ADCY5: variants seen among roughly 807,000 people sequenced by gnomAD.
ADCY5 encodes the protein adenylate cyclase type 5.
A neutral mutation model predicts 119.7 loss-of-function variants in ADCY5; 30 were observed. The observed-to-expected ratio is 0.25, with a 90% CI of 0.19 to 0.34. ADCY5 has a LOEUF of 0.34. ADCY5 is among the 10% of genes least tolerant of loss of function. The pLI is 1.00. For missense variants in ADCY5, 1,324 were observed against 1,775.2 expected, an observed-to-expected ratio of 0.75 and a Z score of 4.57; for synonymous variants, 753 against 762.2, an observed-to-expected ratio of 0.99 and a Z score of 0.20.
At chr3:123,385,724 C>T (rs1471148713) in intron 1 of ADCY5, among the ~76,000 whole-genome samples, 1 of 152,234 alleles carries the variant, frequency 6.6e-6, no homozygotes, top group Non-Finnish European at 1.5e-5. Context: ...CTCTGTGCTT[C>T]AGTTTCTCAT....
intron 1 of ADCY5, among the ~76,000 whole-genome samples, chr3:123,387,196 CAT>C (rs1361648467): frequency 6.6e-6 from 1 of 152,180 alleles, no homozygotes; most frequent in East Asian, 1.9e-4. Context: ...TTTTATTATT[CAT>C]GTGTGTGGGT....
At chr3:123,350,716 C>T (rs1354735369) in intron 2 of ADCY5, among the ~76,000 whole-genome samples, 1 of 152,226 alleles carries the variant, frequency 6.6e-6, no homozygotes, top group Non-Finnish European at 1.5e-5. Context: ...CACATTGGCT[C>T]CGAATATGGA....
chr3:123,403,380 CAA>C (rs35626615), intron 1 of ADCY5, among the ~76,000 whole-genome samples: 166 of 68,514 alleles, frequency 2.4e-3, no homozygotes, highest in South Asian at 5.9e-3. Flanking sequence ...GACCCTGTCT[CAA>C]AAAAAAAAAA....
At chr3:123,433,995 T>C (rs1945565828) in intron 1 of ADCY5, among the ~76,000 whole-genome samples, 1 of 152,168 alleles carries the variant, frequency 6.6e-6, no homozygotes, top group Non-Finnish European at 1.5e-5. Flanking sequence ...ACCCATTTAA[T>C]GCCCGTCTGA....
chr3:123,379,787 CCTT>C (rs1943967583), intron 1 of ADCY5, among the ~76,000 whole-genome samples: 4 of 152,286 alleles, frequency 2.6e-5, no homozygotes, highest in Admixed American at 2.6e-4. Flanking sequence ...TCTGATCAGA[CCTT>C]CTGTGAACAG....
At chr3:123,299,635 T>C (rs1460440827) in intron 15 of ADCY5, among the ~76,000 whole-genome samples, 5 of 152,178 alleles carry the variant, frequency 3.3e-5, no homozygotes, top group African/African-American at 1.2e-4. Flanking sequence ...CCAGGAGCCT[T>C]TGAGTAGTGC....
intron 1 of ADCY5, chr3:123,416,447 G>T: frequency 9.7e-7 from 1 of 1,032,816 alleles, no homozygotes. Context: ...GATTTGACTA[G>T]AAAGGAGGGA....
chr3:123,370,927 G>C (rs923827897), intron 1 of ADCY5, among the ~76,000 whole-genome samples: 49 of 152,312 alleles, frequency 3.2e-4, no homozygotes, highest in African/African-American at 1.1e-3. Context: ...GGCAGGATGA[G>C]GCTGGAGGTG....
chr3:123,384,382 CAATGACTGAG>C (rs1416355714), intron 1 of ADCY5, among the ~76,000 whole-genome samples: 2 of 152,210 alleles, frequency 1.3e-5, no homozygotes, highest in African/African-American at 2.4e-5. Flanking sequence ...TCCTCTGGCA[CAATGACTGAG>C]TCGCCCTGGG....
chr3:123,325,485 G>T, intron 7 of ADCY5, 23 bp from the exon 8 acceptor site: 2 of 1,610,994 alleles, frequency 1.2e-6, no homozygotes, highest in Non-Finnish European at 1.7e-6. Flanking sequence ...CACAGAGATG[G>T]GGGGAGATGA....
chr3:123,317,378 C>G (rs1345644356), intron 11 of ADCY5, among the ~76,000 whole-genome samples: 1 of 148,784 alleles, frequency 6.7e-6, no homozygotes, highest in African/African-American at 2.5e-5. Context: ...CCAGGGAATA[C>G]TTTGGGTGAC....
chr3:123,291,445 C>A (rs1939144227), intron 17 of ADCY5, 69 bp from the exon 18 acceptor site: 1 of 1,545,360 alleles, frequency 6.5e-7, no homozygotes, highest in Admixed American at 1.9e-5. Flanking sequence ...TCCACCTCCT[C>A]CTCTCCGTGG....
At chr3:123,326,277 C>A (rs1276017856) in intron 7 of ADCY5, among the ~76,000 whole-genome samples, 3 of 152,204 alleles carry the variant, frequency 2.0e-5, no homozygotes, top group Non-Finnish European at 4.4e-5. Flanking sequence ...TATGGGCCAA[C>A]ACACTCCCCA....
chr3:123,383,233 C>T (rs1302037342), intron 1 of ADCY5, among the ~76,000 whole-genome samples: 1 of 152,170 alleles, frequency 6.6e-6, no homozygotes. Context: ...CTGAGCCCTG[C>T]TCCCAGGACT....
intron 8 of ADCY5, among the ~76,000 whole-genome samples, chr3:123,323,499 G>C (rs1194206678): frequency 6.6e-6 from 1 of 151,878 alleles, no homozygotes; most frequent in Non-Finnish European, 1.5e-5. Flanking sequence ...GTTGTTCCCT[G>C]CTCTTCCCTG....
chr3:123,445,688 C>T (rs140797074), intron 1 of ADCY5, among the ~76,000 whole-genome samples: 161 of 151,876 alleles, frequency 1.1e-3, no homozygotes, highest in Non-Finnish European at 2.0e-3. Flanking sequence ...TTTTTCTTCT[C>T]ATCTCAGATC....
intron 1 of ADCY5, among the ~76,000 whole-genome samples, chr3:123,407,008 C>T (rs192503512): frequency 4.6e-5 from 7 of 152,294 alleles, no homozygotes; most frequent in East Asian, 3.9e-4. Context: ...GCTTTGAAAC[C>T]GTCCACACCC....
chr3:123,367,834 G>C, intron 1 of ADCY5: 1 of 1,517,016 alleles, frequency 6.6e-7, no homozygotes, highest in Non-Finnish European at 8.8e-7. Flanking sequence ...CTCATTTTAG[G>C]TCAGCAGAAT....
chr3:123,289,681 T>C, intron 19 of ADCY5, 69 bp downstream of exon 19: 3 of 1,561,546 alleles, frequency 1.9e-6, no homozygotes, highest in Non-Finnish European at 2.6e-6. Context: ...GTATGGGGTA[T>C]GGGGGAGCCC....
Sources: allele counts gnomAD v4.1 joint callset (sites outside exome capture counted in the v4.1 genomes callset), GRCh38; gene constraint gnomAD v4.1.1; transcripts MANE v1.5; gene names NCBI Gene and HGNC (gene_info 2026-07-23, HGNC 2026-07-21).